The following RUNDC3B variants were observed in gnomAD, a reference collection of about 807,000 sequenced individuals.
The protein encoded by RUNDC3B is RUN domain containing 3B.
Under a neutral mutation model 58.4 loss-of-function variants are expected in RUNDC3B, and 33 were observed. The observed-to-expected ratio is 0.56, with a 90% CI of 0.43 to 0.75. The LOEUF is 0.75. Ranked by LOEUF, RUNDC3B falls within the 30% of genes least tolerant of loss-of-function variation. The probability of loss-of-function intolerance (pLI) is 0.00; values close to 1 mark genes in which losing one functional copy is unlikely to be tolerated. For missense variants in RUNDC3B, 501 were observed against 535.7 expected, an observed-to-expected ratio of 0.94 and a Z score of 0.64; for synonymous variants, 193 against 195.2, an observed-to-expected ratio of 0.99 and a Z score of 0.10.
chr7:87,652,621 GATAT>G (rs373344881), intron 2 of RUNDC3B, among the ~76,000 whole-genome samples: 29 of 125,358 alleles, frequency 2.3e-4, no homozygotes, highest in Admixed American at 3.2e-4. Flanking sequence ...TGTGGTCACT[GATAT>G]ATATATATAT....
chr7:87,734,851 A>T (rs1831828936), intron 4 of RUNDC3B, among the ~76,000 whole-genome samples: 1 of 152,158 alleles, frequency 6.6e-6, no homozygotes. Context: ...AAATCTCTTC[A>T]CCTTTAAGTT....
chr7:87,640,884 A>C (rs1822381266), intron 1 of RUNDC3B, among the ~76,000 whole-genome samples: 1 of 152,194 alleles, frequency 6.6e-6, no homozygotes, highest in African/African-American at 2.4e-5. Context: ...TTTTTAAAAT[A>C]GACTCTAACC....
At chr7:87,766,605 A>G (rs1290911853) in intron 6 of RUNDC3B, among the ~76,000 whole-genome samples, 2 of 152,020 alleles carry the variant, frequency 1.3e-5, no homozygotes, top group Non-Finnish European at 2.9e-5. Flanking sequence ...TTCTTCTGAG[A>G]AGTCTGTTGT....
At chr7:87,659,294 T>A (rs1442935720) in intron 2 of RUNDC3B, 1 of 373,230 alleles carries the variant, frequency 2.7e-6, no homozygotes, top group African/African-American at 2.2e-5. Flanking sequence ...TTGGTTTCTC[T>A]GTTTTCTTTT....
chr7:87,790,311 A>G (rs775430747), intron 8 of RUNDC3B, among the ~76,000 whole-genome samples: 2 of 152,180 alleles, frequency 1.3e-5, no homozygotes, highest in Non-Finnish European at 2.9e-5. Context: ...CAAAAACCAC[A>G]GTGTTATTGG....
intron 10 of RUNDC3B, among the ~76,000 whole-genome samples, chr7:87,828,877 C>G (rs1837981803): frequency 6.6e-6 from 1 of 152,120 alleles, no homozygotes; most frequent in Non-Finnish European, 1.5e-5. Context: ...CAAATAGAAA[C>G]ACAAAGAAAG....
chr7:87,805,771 A>G (rs1335714163), intron 8 of RUNDC3B, among the ~76,000 whole-genome samples: 1 of 152,158 alleles, frequency 6.6e-6, no homozygotes, highest in Non-Finnish European at 1.5e-5. Context: ...ATTTCCTGTA[A>G]GCCAATTATG....
At chr7:87,667,920 C>T (rs1825428897) in intron 2 of RUNDC3B, among the ~76,000 whole-genome samples, 1 of 152,076 alleles carries the variant, frequency 6.6e-6, no homozygotes, top group African/African-American at 2.4e-5. Context: ...TATTGATGTT[C>T]ATCAAGGATA....
intron 6 of RUNDC3B, among the ~76,000 whole-genome samples, chr7:87,764,624 C>A (rs189974842): frequency 3.3e-5 from 5 of 151,908 alleles, no homozygotes; most frequent in Admixed American, 2.0e-4. Context: ...CATGTTTACC[C>A]ATGTGAGAAT....
At chr7:87,660,022 T>C (rs1216635732) in intron 2 of RUNDC3B, among the ~76,000 whole-genome samples, 1 of 152,144 alleles carries the variant, frequency 6.6e-6, no homozygotes, top group Admixed American at 6.6e-5. Context: ...TTTGATAACA[T>C]TTTAGAGGTT....
At chr7:87,786,640 A>G (rs1000155236) in intron 8 of RUNDC3B, among the ~76,000 whole-genome samples, 1 of 152,032 alleles carries the variant, frequency 6.6e-6, no homozygotes, top group African/African-American at 2.4e-5. Context: ...TTCTTTTACA[A>G]ACAATACTGG....
intron 10 of RUNDC3B, among the ~76,000 whole-genome samples, chr7:87,824,886 T>C (rs1837714111): frequency 6.6e-6 from 1 of 152,082 alleles, no homozygotes; most frequent in Non-Finnish European, 1.5e-5. Context: ...TGATTTAGGG[T>C]ATCTGGTGGA....
At chr7:87,688,792 A>AT (rs1827730810) in intron 2 of RUNDC3B, among the ~76,000 whole-genome samples, 1 of 151,934 alleles carries the variant, frequency 6.6e-6, no homozygotes, top group Non-Finnish European at 1.5e-5. Context: ...TGTTTGAGTC[A>AT]TATTATTGTA....
intron 10 of RUNDC3B, among the ~76,000 whole-genome samples, chr7:87,822,296 A>G (rs1035613415): frequency 1.3e-5 from 2 of 152,272 alleles, no homozygotes; most frequent in Non-Finnish European, 2.9e-5. Flanking sequence ...AATGCTCATC[A>G]TCACTGGCCA....
chr7:87,818,809 T>G (rs73706935), intron 10 of RUNDC3B, among the ~76,000 whole-genome samples: 1,744 of 152,232 alleles, frequency 0.011, 35 homozygotes, highest in African/African-American at 0.04. Flanking sequence ...AAGTCAACCC[T>G]AAGTGTGAAC....
chr7:87,804,899 A>C (rs1005626143), intron 8 of RUNDC3B, among the ~76,000 whole-genome samples: 22 of 152,300 alleles, frequency 1.4e-4, no homozygotes, highest in Admixed American at 4.6e-4. Context: ...TCTTCATATT[A>C]ACATTAATTG....
chr7:87,731,027 A>G (rs1379387887), intron 4 of RUNDC3B, among the ~76,000 whole-genome samples: 4 of 152,158 alleles, frequency 2.6e-5, no homozygotes, highest in Non-Finnish European at 4.4e-5. Flanking sequence ...GTGCTTCCTG[A>G]TGCCTACGTG....
intron 4 of RUNDC3B, among the ~76,000 whole-genome samples, chr7:87,732,639 CA>C (rs749255163): frequency 6.6e-6 from 1 of 152,120 alleles, no homozygotes; most frequent in Non-Finnish European, 1.5e-5. Context: ...AAGCTGGGTC[CA>C]GGGGGGTCAC....
chr7:87,750,854 CT>C (rs1301723384), intron 6 of RUNDC3B, among the ~76,000 whole-genome samples: 2 of 151,134 alleles, frequency 1.3e-5, no homozygotes, highest in Non-Finnish European at 3.0e-5. Context: ...ATGGTAGTTT[CT>C]TTTGCTGTGC....
Sources: gnomAD v4.1 joint callset for allele counts (sites outside exome capture counted in the v4.1 genomes callset) on GRCh38, gnomAD v4.1.1 for gene constraint, MANE v1.5 for transcripts, NCBI Gene and HGNC (gene_info 2026-07-23, HGNC 2026-07-21) for gene names.